The following KCNC3 variants were observed in gnomAD, a reference collection of about 807,000 sequenced individuals.
KCNC3 encodes the protein voltage-gated potassium channel KCNC3.
In KCNC3, 22 loss-of-function variants were observed where a neutral mutation model predicts 43.9. The observed-to-expected ratio is 0.50, with a 90% CI of 0.36 to 0.72. The LOEUF is 0.72. Ranked by LOEUF, KCNC3 falls within the 30% of genes least tolerant of loss-of-function variation. KCNC3 has a pLI of 0.00. For missense variants in KCNC3, 829 were observed against 1,073.8 expected, an observed-to-expected ratio of 0.77 and a Z score of 3.19; for synonymous variants, 492 against 488.0, an observed-to-expected ratio of 1.01 and a Z score of -0.11.
chr19:50,331,274 C>G (rs3810274), upstream of KCNC3, among the ~76,000 whole-genome samples: 59,389 of 124,070 alleles, frequency 0.48, 14,704 homozygotes, highest in Non-Finnish European at 0.58. Context: ...CCCGCCCCCC[C>G]ACCCCAGCTC....
intron 4 of KCNC3, among the ~76,000 whole-genome samples, chr19:50,318,375 A>G (rs1314651290): frequency 6.7e-6 from 1 of 148,764 alleles, no homozygotes; most frequent in Non-Finnish European, 1.5e-5. Context: ...GGGTTTCACC[A>G]TGTTGGCCAG....
At position 50,316,089 on chromosome 19, in the gene KCNC3, G is replaced by T. The variant is rs2036949010; in HGVS notation, c.*26C>A. 1.3e-5 allele frequency: 5 copies of T among 394,122 alleles called. 1 individual carries two copies. Among genetic ancestry groups the T allele is most frequent in the Non-Finnish European group, 1.9e-5 (4 of 213,518 alleles). 24.4% of individuals were successfully genotyped at this position (394,122 alleles called of 1,614,324 possible). A position where few individuals can be genotyped will look rare whatever the true frequency, so the allele number is the denominator to read the frequency against. ...CTCGCGAGGTCTCAGGCGGTGACAA[G>T]AGCTGGGGACAGAAATACACAGAGT... On this transcript the variant is annotated splice_region_variant and 3_prime_UTR_variant, in exon 5 of 5. Coordinates refer to ENST00000477616, the MANE Select transcript of KCNC3 (RefSeq NM_004977.3).
chr19:50,311,957 G>A lies in KCNC3; in HGVS notation c.*4158C>T, dbSNP rs1448548326. ...GGCCATTTTTAAATGAAAAGGAAAC[G>A]TTTATTTTGGTGGGGAGTGAGGGTG... On this transcript the variant is annotated 3_prime_UTR_variant, in exon 5 of 5. Transcript: ENST00000477616. 1 of 108,676 alleles carries A rather than the reference G, an allele frequency of 9.2e-6. No individual in the cohort carries two copies. The highest frequency in any genetic ancestry group is 1.2e-4 in the Admixed American group (1 of 8,472). 6.7% of individuals were successfully genotyped at this position (108,676 alleles called of 1,614,324 possible).
chr19:50,324,169 C>G lies in KCNC3; in HGVS notation c.871-87G>C. 1 of 1,355,114 alleles carries G rather than the reference C, an allele frequency of 7.4e-7. No homozygotes were observed. Among genetic ancestry groups the G allele is most frequent in the South Asian group, 1.4e-5 (1 of 69,014 alleles). The allele number at this position is 1,355,114 out of a possible 1,614,324, so 83.9% of individuals were successfully genotyped here. On this transcript the variant is annotated intron_variant, in intron 1 of 4. Transcript: ENST00000477616. This position sits in a 1 kb window ranked among gnomAD's most constrained non-coding sequence, Gnocchi z 4.1. ...ATCCAGAAGACCCTTCCAGTGCCCC[C>G]TTCCCCAGCCTCCTGGGCCCAAACT...
intron 4 of KCNC3, among the ~76,000 whole-genome samples, chr19:50,317,121 C>G (rs947676648): frequency 1.4e-5 from 2 of 145,216 alleles, no homozygotes; most frequent in Admixed American, 1.4e-4. Flanking sequence ...AGGTAAAGGA[C>G]TGGGAGTGGG....
At position 50,323,090 on chromosome 19, in the gene KCNC3, G is replaced by A. The variant is rs759676320; in HGVS notation, c.1863C>T (p.Pro621=). 2.8e-5 allele frequency: 43 copies of A among 1,540,296 alleles called. No homozygotes were observed. The highest frequency in any genetic ancestry group is 4.8e-5 in the South Asian group (4 of 83,560). ...GAYPAGPHTH[P]GLLRGGAGGL... ...CACCCGCTCCCCCCCTGAGCAGCCC[G>A]GGGTGCGTGTGGGGCCCCGCTGGGT... Residue 621 remains proline (P), a synonymous_variant, in exon 2 of 5, where the codon CCC becomes CCT. Coordinates refer to ENST00000477616, the MANE Select transcript of KCNC3 (RefSeq NM_004977.3).
intron 4 of KCNC3, 28 bp from the exon 5 acceptor site, chr19:50,316,119 G>A (rs1221830683): frequency 7.5e-6 from 3 of 401,932 alleles, no homozygotes; most frequent in Non-Finnish European, 1.4e-5. Flanking sequence ...CAGAGTCACG[G>A]GGGTGGGGAG....
At position 50,314,270 on chromosome 19, in the gene KCNC3, C is replaced by A. The variant is rs2123512535; in HGVS notation, c.*1845G>T. On this transcript the variant is annotated 3_prime_UTR_variant, in exon 5 of 5. Coordinates refer to ENST00000477616, the MANE Select transcript of KCNC3 (RefSeq NM_004977.3). ...CAACTCCGATCTGGGGCTTGGGTAA[C>A]TGTTCCTCCTTCCCCTACACTGTTT... is the stretch of plus-strand genomic sequence containing the variant. 1 of 139,558 alleles carries A rather than the reference C, an allele frequency of 7.2e-6. No homozygotes were observed. Among genetic ancestry groups the A allele is most frequent in the African/African-American group, 2.6e-5 (1 of 38,096 alleles). The allele number at this position is 139,558 out of a possible 1,614,324, so 8.6% of individuals were successfully genotyped here.
chr19:50,320,283 T>C lies in KCNC3; in HGVS notation c.2237A>G (p.Asp746Gly). 2.2e-6 allele frequency: 2 copies of C among 915,464 alleles called. No individual in the cohort carries two copies. The highest frequency in any genetic ancestry group is 2.6e-5 in the South Asian group (1 of 38,792). The allele number at this position is 915,464 out of a possible 1,614,324, so 56.7% of individuals were successfully genotyped here. A position where few individuals can be genotyped will look rare whatever the true frequency, so the allele number is the denominator to read the frequency against. Reference protein sequence around the residue: ...RKPGPPSFLPDLNANAAAWIS... With the variant: ...RKPGPPSFLPGLNANAAAWIS... Reference sequence around the variant, plus strand: ...CCAGGCCGCGGCGTTGGCGTTGAGGTCGGGCAAGAAGCTTGGGGGGCCTGG... The same window carrying C: ...CCAGGCCGCGGCGTTGGCGTTGAGGCCGGGCAAGAAGCTTGGGGGGCCTGG... The change falls in exon 4 of 5, where the codon GAC becomes GGC. Residue 746 changes from aspartate to glycine, a missense_variant. This residue lies in a region of KCNC3 where 308 missense variants were observed against 276.2 expected (regional missense o/e 1.11). Transcript: ENST00000477616.
Position 50,324,527 on chromosome 19 carries a change from G to A in KCNC3, c.871-445C>T. Among the ~76,000 whole-genome samples, 1 of 152,170 alleles carries A rather than the reference G, an allele frequency of 6.6e-6. No individual in the cohort carries two copies. Among genetic ancestry groups the A allele is most frequent in the East Asian group, 1.9e-4 (1 of 5,184 alleles). On this transcript the variant is annotated intron_variant, in intron 1 of 4. Coordinates refer to ENST00000477616, the MANE Select transcript of KCNC3 (RefSeq NM_004977.3). The surrounding 1 kb of genome is among the most constrained non-coding windows in gnomAD (Gnocchi z 4.1). Reference sequence around the variant, plus strand: ...AGGCTTTAGGGCTCAGCTTGGAGCTGGGCAGACGGGAAGGGAGAAGGCGGG... The same window carrying A: ...AGGCTTTAGGGCTCAGCTTGGAGCTAGGCAGACGGGAAGGGAGAAGGCGGG...
chr19:50,331,449 G>A (rs2037188062), upstream of KCNC3, among the ~76,000 whole-genome samples: 1 of 151,328 alleles, frequency 6.6e-6, no homozygotes, highest in Admixed American at 6.6e-5. Flanking sequence ...TTTCATCTGA[G>A]TCTGTCTCCT....
chr19:50,326,716 G>A (rs2037111005), intron 1 of KCNC3, among the ~76,000 whole-genome samples: 1 of 152,138 alleles, frequency 6.6e-6, no homozygotes, highest in South Asian at 2.1e-4. Context: ...CAGGGAGGAA[G>A]TTAGTAGGAG....
chr19:50,322,889 C>A, intron 2 of KCNC3, 86 bp downstream of exon 2: 1 of 1,421,068 alleles, frequency 7.0e-7, no homozygotes, highest in Non-Finnish European at 9.5e-7. Flanking sequence ...CGCCAACCAC[C>A]CCAGGTTCTC....
intron 2 of KCNC3, among the ~76,000 whole-genome samples, chr19:50,322,385 G>T (rs899412183): frequency 1.3e-5 from 2 of 152,116 alleles, no homozygotes; most frequent in African/African-American, 4.8e-5. Flanking sequence ...TGCCCTGGGG[G>T]ATCTGCCCTG....
rs1472008216 is a variant in KCNC3 at position 50,313,944 on chromosome 19, G to C, written c.*2171C>G. ...AGTCGCAGGAGTGTGTGGGGATTGG[G>C]AGATGTGGCGTGCCAGGGTCAGTCT... On this transcript the variant is annotated 3_prime_UTR_variant, in exon 5 of 5. Coordinates refer to ENST00000477616, the MANE Select transcript of KCNC3 (RefSeq NM_004977.3). 1 of 152,074 alleles carries C rather than the reference G, an allele frequency of 6.6e-6. No homozygotes were observed. Among genetic ancestry groups the C allele is most frequent in the Non-Finnish European group, 1.5e-5 (1 of 68,042 alleles). 9.4% of individuals were successfully genotyped at this position (152,074 alleles called of 1,614,324 possible).
chr19:50,320,835 GTGAACA>G (rs1179112993), intron 2 of KCNC3, 51 bp from the exon 3 acceptor site: 8 of 1,569,628 alleles, frequency 5.1e-6, no homozygotes, highest in Non-Finnish European at 7.0e-6. Context: ...GTGAGGTGCG[GTGAACA>G]CGCGGTGGGG....
Position 50,322,908 on chromosome 19 carries a change from G to A in KCNC3, c.1978+67C>T, listed in dbSNP as rs368017867. 2.4e-4 allele frequency: 351 copies of A among 1,491,560 alleles called. No homozygotes were observed. In the East Asian group the frequency reaches 6.8e-3, roughly 29 times the overall value. The allele number at this position is 1,491,560 out of a possible 1,614,324, so 92.4% of individuals were successfully genotyped here. On this transcript the variant is annotated intron_variant, in intron 2 of 4. Coordinates refer to ENST00000477616, the MANE Select transcript of KCNC3 (RefSeq NM_004977.3). The stretch of plus-strand genomic sequence containing the variant: ...AACCACCCCAGGTTCTCTGAACCCC[G>A]GCAGCTACCTCCCCAGTCCTCCCCG...
At position 50,323,757 on chromosome 19, in the gene KCNC3, G is replaced by C; in HGVS notation, c.1196C>G (p.Ser399Trp). The change falls in exon 2 of 5, where the codon TCG (serine) becomes TGG (tryptophan). Residue 399 changes from serine (S) to tryptophan (W), a missense_variant. Transcript: ENST00000477616. ...ILPFYLEVGLSGLSSKAAKDV... is the reference protein window; with the variant it reads ...ILPFYLEVGLWGLSSKAAKDV... ...TTTGGCGGCCTTGGAGCTGAGGCCC[G>C]AGAGGCCCACCTCGAGATAGAAGGG... is the stretch of plus-strand genomic sequence containing the variant. The C allele has an allele frequency of 6.2e-7, 1 of 1,614,208 alleles. No homozygotes were observed. The highest frequency in any genetic ancestry group is 8.5e-7 in the Non-Finnish European group (1 of 1,180,036).
rs1312813266 is a variant in KCNC3 at position 50,314,437 on chromosome 19, A to G, written c.*1678T>C. On this transcript the variant is annotated 3_prime_UTR_variant, in exon 5 of 5. Coordinates refer to ENST00000477616, the MANE Select transcript of KCNC3 (RefSeq NM_004977.3). The stretch of plus-strand genomic sequence containing the variant: ...CCTTCCCAGAGTGCCTGCCCCTCAA[A>G]CCCGCGCATGCGGCCCCTGGCGGCT... 1.1e-5 allele frequency: 2 copies of G among 179,752 alleles called. No homozygotes were observed. Among genetic ancestry groups the G allele is most frequent in the Non-Finnish European group, 2.4e-5 (2 of 84,952 alleles). The allele number at this position is 179,752 out of a possible 1,614,324, so 11.1% of individuals were successfully genotyped here. A position where few individuals can be genotyped will look rare whatever the true frequency, so the allele number is the denominator to read the frequency against.
Sources: gnomAD v4.1 joint callset for allele counts (sites outside exome capture counted in the v4.1 genomes callset) on GRCh38, gnomAD v4.1.1 for gene constraint, gnomAD v4.1.1 regional missense constraint, Gnocchi (gnomAD v3.1) non-coding constraint, MANE v1.5 for transcripts, NCBI Gene and HGNC (gene_info 2026-07-23, HGNC 2026-07-21) for gene names.